ZNF112: variants seen among roughly 807,000 people sequenced by gnomAD.
ZNF112 encodes the protein zinc finger protein 112, also known as zinc finger protein 112 (Y14).
ZNF112 carries 37 observed loss-of-function variants against 77.7 expected under a neutral mutation model. That is an observed-to-expected ratio of 0.48 (90% CI 0.37 to 0.63). The LOEUF (loss-of-function observed/expected upper bound fraction) is 0.63. ZNF112 is among the 20% of genes least tolerant of loss of function. ZNF112 has a pLI of 0.00. For missense variants in ZNF112, 950 were observed against 1,077.4 expected, an observed-to-expected ratio of 0.88 and a Z score of 1.66; for synonymous variants, 333 against 363.6, an observed-to-expected ratio of 0.92 and a Z score of 0.96.
chr19:44,338,088 G>T (rs539278895), intron 2 of ZNF112, among the ~76,000 whole-genome samples: 26 of 151,968 alleles, frequency 1.7e-4, no homozygotes, highest in Non-Finnish European at 3.4e-4. Context: ...AAAAATTGGG[G>T]ACATGTTACA....
chr19:44,326,757 CAT>C lies in ZNF112; in HGVS notation c.*674_*675del. On this transcript the variant is annotated 3_prime_UTR_variant, in exon 4 of 4. Coordinates refer to ENST00000354340, the MANE Select transcript of ZNF112 (RefSeq NM_013380.4). The stretch of plus-strand genomic sequence containing the variant: ...GATATTTCAAGTGCACACATGGGTA[CAT>C]ATACACACACACAAAGCTAAACTTC... The C allele has an allele frequency of 6.6e-6, 1 of 152,180 alleles. No individual in the cohort carries two copies. The highest frequency in any genetic ancestry group is 1.9e-4 in the East Asian group (1 of 5,184). The allele number at this position is 152,180 out of a possible 1,614,324, so 9.4% of individuals were successfully genotyped here. A position where few individuals can be genotyped will look rare whatever the true frequency, so the allele number is the denominator to read the frequency against.
intron 1 of ZNF112, among the ~76,000 whole-genome samples, chr19:44,353,927 T>A (rs905060849): frequency 6.6e-6 from 1 of 152,108 alleles, no homozygotes; most frequent in African/African-American, 2.4e-5. Flanking sequence ...AATGTTTATA[T>A]CAGCTCTATT....
At chr19:44,361,180 A>T (rs568109077), upstream of ZNF112, among the ~76,000 whole-genome samples, 35 of 152,252 alleles carry the variant, frequency 2.3e-4, no homozygotes, top group African/African-American at 7.5e-4. Context: ...TAAATAGTAA[A>T]AATATGAAGA....
Position 44,329,381 on chromosome 19 carries a change from T to C in ZNF112, c.776A>G (p.Lys259Arg), listed in dbSNP as rs369544385. The change falls in exon 4 of 4, where the codon AAA (lysine) becomes AGA (arginine). Residue 259 changes from lysine (K) to arginine (R), a missense_variant. Lys to Arg is a conservative substitution (Grantham distance 26). Transcript: ENST00000354340. Reference protein sequence around the residue: ...EKPYPCTGYRKAFSNDSSSEV... With the variant: ...EKPYPCTGYRRAFSNDSSSEV... ...AGAGCTGGAGTCATTACTGAAGGCT[T>C]TTCTATACCCAGTACATGGATAGGG... The C allele has an allele frequency of 7.4e-6, 12 of 1,613,700 alleles. No homozygotes were observed. The African/African-American group carries it at 1.5e-4, about 20-fold the overall frequency.
chr19:44,365,480 A>ATT (rs111721607), intron 1 of ZNF112, among the ~76,000 whole-genome samples: 75,080 of 149,928 alleles, frequency 0.5, 20,188 homozygotes, highest in South Asian at 0.63. Context: ...ATATATATAT[A>ATT]TATTTATGTG....
chr19:44,367,014 C>T, intron 1 of ZNF112: 1 of 454,514 alleles, frequency 2.2e-6, no homozygotes. Context: ...GAACAGAGCG[C>T]ACAAAATACA....
At position 44,327,408 on chromosome 19, in the gene ZNF112, A is replaced by C; in HGVS notation, c.*25T>G. Reference sequence around the variant, plus strand: ...TACTGAAAGAACTCTAGTGACTGGAAAATTTCAGCTCCCATTTGAGGACTT... The same window carrying C: ...TACTGAAAGAACTCTAGTGACTGGACAATTTCAGCTCCCATTTGAGGACTT... On this transcript the variant is annotated 3_prime_UTR_variant, in exon 4 of 4. Transcript: ENST00000354340. The C allele has an allele frequency of 6.5e-7, 1 of 1,537,786 alleles. No homozygotes were observed.
upstream of ZNF112, among the ~76,000 whole-genome samples, chr19:44,359,646 G>A (rs1241419281): frequency 6.6e-6 from 1 of 152,154 alleles, no homozygotes; most frequent in East Asian, 1.9e-4. Context: ...TGCTCTTTCA[G>A]AAATCTAGCT....
chr19:44,346,313 TTGTTA>T (rs879389110), intron 1 of ZNF112, among the ~76,000 whole-genome samples: 156 of 152,290 alleles, frequency 1.0e-3, no homozygotes, highest in African/African-American at 3.4e-3. Flanking sequence ...AAACGTTGGG[TTGTTA>T]TGTTATGTTA....
intron 1 of ZNF112, chr19:44,343,328 GA>G (rs5828194): frequency 0.49 from 756,389 of 1,549,022 alleles, 191,275 homozygotes; most frequent in South Asian, 0.58. Context: ...AGGGTAATAC[GA>G]AAGAAGCCAT....
At chr19:44,344,225 G>A (rs1039630260) in intron 1 of ZNF112, among the ~76,000 whole-genome samples, 3 of 152,170 alleles carry the variant, frequency 2.0e-5, no homozygotes, top group South Asian at 4.1e-4. Flanking sequence ...GTGGGGCTGC[G>A]TGTGCTCCTC....
chr19:44,340,364 C>A, intron 2 of ZNF112, 52 bp downstream of exon 2: 1 of 1,588,102 alleles, frequency 6.3e-7, no homozygotes, highest in Non-Finnish European at 8.5e-7. Context: ...ATTGAGCACA[C>A]AAAGACACCC....
intron 1 of ZNF112, among the ~76,000 whole-genome samples, chr19:44,346,512 T>C (rs1427089557): frequency 6.6e-6 from 1 of 152,194 alleles, no homozygotes; most frequent in Non-Finnish European, 1.5e-5. Context: ...CATATAGGTG[T>C]ACATCACCCT....
chr19:44,335,679 A>G (rs1034586731), intron 3 of ZNF112, among the ~76,000 whole-genome samples: 2 of 152,210 alleles, frequency 1.3e-5, no homozygotes, highest in Non-Finnish European at 2.9e-5. Flanking sequence ...GAAAATCTAA[A>G]GTATTTACTA....
chr19:44,345,751 A>G (rs564899806), intron 1 of ZNF112, among the ~76,000 whole-genome samples: 8 of 152,274 alleles, frequency 5.3e-5, no homozygotes, highest in African/African-American at 1.9e-4. Flanking sequence ...TTTTCTCTGC[A>G]AATCTTCTCT....
chr19:44,347,506 T>TTTTTTTTTTTTTTTTTA (rs151128809), intron 1 of ZNF112, among the ~76,000 whole-genome samples: 1 of 100,046 alleles, frequency 1.0e-5, no homozygotes, highest in Non-Finnish European at 2.2e-5. Flanking sequence ...TTTTTTTTTT[T>TTTTTTTTTTTTTTTTTA]ACTATTCCAT....
chr19:44,346,861 A>C (rs1970599647), intron 1 of ZNF112, among the ~76,000 whole-genome samples: 1 of 152,238 alleles, frequency 6.6e-6, no homozygotes, highest in Admixed American at 6.5e-5. Context: ...ACAGGTCAAC[A>C]GAAACAATCA....
chr19:44,343,008 A>C (rs1180732432), intron 1 of ZNF112, among the ~76,000 whole-genome samples: 1 of 152,160 alleles, frequency 6.6e-6, no homozygotes, highest in Non-Finnish European at 1.5e-5. Context: ...CAGGGTAATA[A>C]GGTGTAGGAT....
chr19:44,360,860 G>A (rs1970849136), upstream of ZNF112, among the ~76,000 whole-genome samples: 1 of 152,186 alleles, frequency 6.6e-6, no homozygotes, highest in Admixed American at 6.6e-5. Context: ...TCTACTCAGT[G>A]TATAAACCTA....
Sources: allele counts gnomAD v4.1 joint callset (sites outside exome capture counted in the v4.1 genomes callset), GRCh38; gene constraint gnomAD v4.1.1; transcripts MANE v1.5; gene names NCBI Gene and HGNC (gene_info 2026-07-23, HGNC 2026-07-21).